ZNF385D: variants seen among roughly 807,000 people sequenced by gnomAD.
ZNF385D encodes the protein zinc finger protein 659.
A neutral mutation model predicts 35.8 loss-of-function variants in ZNF385D; 15 were observed. The observed-to-expected ratio is 0.42, with a 90% CI of 0.28 to 0.64. The LOEUF (loss-of-function observed/expected upper bound fraction) is 0.64, where lower values mean the gene tolerates loss of function less well. Among genes scored for constraint, ZNF385D ranks in the 30% least tolerant of loss-of-function variants. The pLI is 0.23. For synonymous variants in ZNF385D, 212 were observed against 186.8 expected, an observed-to-expected ratio of 1.13 and a Z score of -1.10; for missense variants, 474 against 494.6, an observed-to-expected ratio of 0.96 and a Z score of 0.39.
chr3:21,424,430 C>T (rs766072497), intron 6 of ZNF385D, among the ~76,000 whole-genome samples: 1 of 146,618 alleles, frequency 6.8e-6, no homozygotes, highest in African/African-American at 2.5e-5. Context: ...TTATCTGCCT[C>T]AGCCTCCCAA....
rs115979671 is a variant in ZNF385D, at chr3:21,780,469, C to T, written c.326-115441G>A. ...TCTCAATATCTTCCTTATGTGGATACGACATGCATCTGTACTACTTATTGG... is the reference window on the plus strand; with the variant it reads ...TCTCAATATCTTCCTTATGTGGATATGACATGCATCTGTACTACTTATTGG... On this transcript the variant is annotated intron_variant, in intron 3 of 5. Transcript: ENST00000494108. 5.4e-3 allele frequency among the ~76,000 whole-genome samples: 815 copies of T among 152,066 alleles called. 5 individuals are homozygous for T. Among genetic ancestry groups the T allele is most frequent in the African/African-American group, 0.017 (715 of 41,494 alleles).
chr3:22,363,200 C>A (rs939911890), intron 2 of ZNF385D, among the ~76,000 whole-genome samples: 3 of 109,204 alleles, frequency 2.7e-5, no homozygotes, highest in Non-Finnish European at 3.9e-5. Context: ...TAGAGGTACT[C>A]TTTCTTTCCT....
chr3:21,473,058 C>G (rs890236050), intron 4 of ZNF385D, among the ~76,000 whole-genome samples: 1 of 152,142 alleles, frequency 6.6e-6, no homozygotes, highest in Non-Finnish European at 1.5e-5. Flanking sequence ...CACCTTCAAT[C>G]ACCTTGATTT....
chr3:22,233,738 C>T (rs967443311), intron 2 of ZNF385D, among the ~76,000 whole-genome samples: 2 of 152,052 alleles, frequency 1.3e-5, no homozygotes, highest in Non-Finnish European at 2.9e-5. Flanking sequence ...ACATTCTCAT[C>T]TTTTGAGTTC....
Position 22,278,346 on chromosome 3 carries a change from A to G in ZNF385D, c.106+94104T>C, listed in dbSNP as rs78049447. ...ATCTGAAGCAAGCATTTGCTCATCCACTATAGAAGTCTTTGGTAATTGATT... is the reference window on the plus strand; with the variant it reads ...ATCTGAAGCAAGCATTTGCTCATCCGCTATAGAAGTCTTTGGTAATTGATT... On this transcript the variant is annotated intron_variant, in intron 2 of 5. Coordinates refer to the ZNF385D transcript ENST00000494108. 6.9e-3 allele frequency among the ~76,000 whole-genome samples: 1,057 copies of G among 152,198 alleles called. 9 individuals are homozygous for G. Among genetic ancestry groups the G allele is most frequent in the African/African-American group, 0.024 (977 of 41,546 alleles).
Position 22,083,313 on chromosome 3 carries a change from C to A in ZNF385D, c.325+85504G>T, listed in dbSNP as rs191427898. Among the ~76,000 whole-genome samples, 13 of 152,204 alleles carry A rather than the reference C, an allele frequency of 8.5e-5. No homozygotes were observed. In the East Asian group the frequency reaches 2.5e-3, roughly 29 times the overall value. On this transcript the variant is annotated intron_variant, in intron 3 of 5. Coordinates refer to the ZNF385D transcript ENST00000494108. The stretch of plus-strand genomic sequence containing the variant: ...GCTAAAGGAGGATGTTCGAACCCAT[C>A]GCAAGGAAGGTAAAAACCTGAAAAA...
intron 2 of ZNF385D, among the ~76,000 whole-genome samples, chr3:22,182,848 GA>G (rs763712797): frequency 4.6e-5 from 7 of 151,846 alleles, no homozygotes; most frequent in African/African-American, 9.7e-5. Context: ...ATACAATAGA[GA>G]TTTTTTTCAT....
At chr3:22,321,706 C>G (rs192783741) in intron 2 of ZNF385D, among the ~76,000 whole-genome samples, 6 of 152,194 alleles carry the variant, frequency 3.9e-5, no homozygotes, top group Non-Finnish European at 8.8e-5. Context: ...ATATTTTATT[C>G]CTTTCAACTT....
At chr3:22,046,084 T>A (rs375102330) in intron 3 of ZNF385D, among the ~76,000 whole-genome samples, 4 of 143,674 alleles carry the variant, frequency 2.8e-5, no homozygotes, top group African/African-American at 1.0e-4. Context: ...AAATTGATGA[T>A]AGTGGCTTAG....
At chr3:21,704,326 C>T (rs1214223636) in intron 1 of ZNF385D, among the ~76,000 whole-genome samples, 1 of 152,014 alleles carries the variant, frequency 6.6e-6, no homozygotes, top group Non-Finnish European at 1.5e-5. Context: ...AGATGAAAAG[C>T]CCTGCTTTAT....
chr3:21,959,990 T>G (rs1160458774), intron 3 of ZNF385D, among the ~76,000 whole-genome samples: 1 of 146,910 alleles, frequency 6.8e-6, no homozygotes, highest in Admixed American at 6.9e-5. Flanking sequence ...TAGGCAAATA[T>G]TTGATGGCTA....
chr3:22,172,419 A>G (rs1466564229), intron 2 of ZNF385D, among the ~76,000 whole-genome samples: 1 of 152,240 alleles, frequency 6.6e-6, no homozygotes, highest in African/African-American at 2.4e-5. Flanking sequence ...TAATTTGAGA[A>G]AAAATAAAAG....
At position 22,202,605 on chromosome 3, in the gene ZNF385D, A is replaced by G. The variant is rs1251643515; in HGVS notation, c.107-33570T>C. 1.3e-5 allele frequency among the ~76,000 whole-genome samples: 2 copies of G among 152,268 alleles called. 1 individual carries two copies. The highest frequency in any genetic ancestry group is 4.8e-5 in the African/African-American group (2 of 41,586). On this transcript the variant is annotated intron_variant, in intron 2 of 5. Coordinates refer to the ZNF385D transcript ENST00000494108. ...AGAACCAAAAATCAGGTAAGTGATC[A>G]CAGTACCTGGTTTTAACTTCCTATC...
chr3:22,281,865 T>C (rs1343833961), intron 2 of ZNF385D, among the ~76,000 whole-genome samples: 1 of 151,588 alleles, frequency 6.6e-6, no homozygotes, highest in South Asian at 2.1e-4. Context: ...ATCTGTCTGG[T>C]ACTGAACATT....
chr3:22,026,540 GT>G (rs1255164084), intron 3 of ZNF385D, among the ~76,000 whole-genome samples: 3 of 152,184 alleles, frequency 2.0e-5, no homozygotes, highest in African/African-American at 7.2e-5. Context: ...AATTAATGGA[GT>G]TTTAGCTCAG....
At chr3:22,263,918 T>A (rs2125349404) in intron 2 of ZNF385D, among the ~76,000 whole-genome samples, 1 of 152,120 alleles carries the variant, frequency 6.6e-6, no homozygotes, top group African/African-American at 2.4e-5. Context: ...GTGTCAAGGA[T>A]GATAAATTCT....
At chr3:21,716,577 G>C (rs972166513) in intron 1 of ZNF385D, among the ~76,000 whole-genome samples, 1 of 152,006 alleles carries the variant, frequency 6.6e-6, no homozygotes, top group Non-Finnish European at 1.5e-5. Flanking sequence ...ATATGTGCCT[G>C]GCTTGATTTC....
At chr3:21,938,201 C>T (rs1351738523) in intron 3 of ZNF385D, among the ~76,000 whole-genome samples, 2 of 152,126 alleles carry the variant, frequency 1.3e-5, no homozygotes, top group Non-Finnish European at 2.9e-5. Flanking sequence ...TGTTCTAATA[C>T]CTAAGTAGGT....
intron 4 of ZNF385D, among the ~76,000 whole-genome samples, chr3:21,475,565 G>A (rs2125358128): frequency 6.6e-6 from 1 of 152,084 alleles, no homozygotes; most frequent in South Asian, 2.1e-4. Context: ...ATATTAAAAA[G>A]AGCCAAGAGG....
Sources: allele counts gnomAD v4.1 joint callset (sites outside exome capture counted in the v4.1 genomes callset), GRCh38; gene constraint gnomAD v4.1.1; transcripts MANE v1.5; gene names NCBI Gene and HGNC (gene_info 2026-07-23, HGNC 2026-07-21).